SLC25A18: variants seen among roughly 807,000 people sequenced by gnomAD.
SLC25A18 encodes solute carrier family 25 member 18.
SLC25A18 carries 24 observed loss-of-function variants against 31.1 expected under a neutral mutation model. That is an observed-to-expected ratio of 0.77 (90% CI 0.56 to 1.08). The LOEUF (loss-of-function observed/expected upper bound fraction) is 1.08, where lower values mean the gene tolerates loss of function less well. Ranked by LOEUF, SLC25A18 falls within the 50% of genes least tolerant of loss-of-function variation. The probability of loss-of-function intolerance (pLI) is 0.00; values close to 1 mark genes in which losing one functional copy is unlikely to be tolerated. For missense variants in SLC25A18, 371 were observed against 418.5 expected, an observed-to-expected ratio of 0.89 and a Z score of 0.99; for synonymous variants, 173 against 161.9, an observed-to-expected ratio of 1.07 and a Z score of -0.52.
At chr22:17,584,399 A>AAAGAAAGAAAG (rs2057464585) in intron 7 of SLC25A18, among the ~76,000 whole-genome samples, 2 of 110,814 alleles carry the variant, frequency 1.8e-5, no homozygotes, top group African/African-American at 7.0e-5. Flanking sequence ...TCTCAAAAAG[A>AAAGAAAGAAAG]AAAGAAAGAA....
At chr22:17,582,512 A>T in intron 5 of SLC25A18, 51 bp from the exon 6 acceptor site, 1 of 1,477,520 alleles carries the variant, frequency 6.8e-7, no homozygotes. Flanking sequence ...GACCTGGGGC[A>T]CTGTTATTTC....
Position 17,578,041 on chromosome 22 carries a change from G to A in SLC25A18, c.-200-1704G>A, listed in dbSNP as rs144930425. ...GCTCTGTTGCCCAGGCTGGAGTGTA[G>A]TGGTGTGATCTTGACTCACTGCAAC... On this transcript the variant is annotated intron_variant, in intron 2 of 10. Transcript: ENST00000327451. 3.7e-4 allele frequency among the ~76,000 whole-genome samples: 55 copies of A among 149,802 alleles called. No individual in the cohort carries two copies. The East Asian group carries it at 0.011, about 30-fold the overall frequency.
chr22:17,565,972 C>A (rs1168395138), intron 1 of SLC25A18, among the ~76,000 whole-genome samples: 1 of 152,110 alleles, frequency 6.6e-6, no homozygotes, highest in South Asian at 2.1e-4. Flanking sequence ...GGATTACAGG[C>A]GTGAGCCACC....
intron 3 of SLC25A18, 122 bp downstream of exon 3, chr22:17,580,086 TC>T (rs1012094069): frequency 8.2e-5 from 73 of 891,128 alleles, no homozygotes; most frequent in Middle Eastern, 4.3e-4. Context: ...AAGACCCCTG[TC>T]CCCCATATAA....
At position 17,579,921 on chromosome 22, in the gene SLC25A18, C is replaced by G; in HGVS notation, c.-24C>G. The G allele has an allele frequency of 6.2e-7, 1 of 1,607,670 alleles. No homozygotes were observed. Among genetic ancestry groups the G allele is most frequent in the Non-Finnish European group, 8.5e-7 (1 of 1,177,686 alleles). On this transcript the variant is annotated 5_prime_UTR_variant, in exon 3 of 11. Coordinates refer to ENST00000327451, the MANE Select transcript of SLC25A18 (RefSeq NM_031481.3). Reference sequence around the variant, plus strand: ...CCCCAAGGAGCCAGCAGCCTTGTGTCCTGGGATCCCCAGCCCCTGCAGAAT... The same window carrying G: ...CCCCAAGGAGCCAGCAGCCTTGTGTGCTGGGATCCCCAGCCCCTGCAGAAT...
intron 3 of SLC25A18, 49 bp from the exon 4 acceptor site, chr22:17,580,988 C>G (rs1182028921): frequency 6.6e-7 from 1 of 1,507,182 alleles, no homozygotes; most frequent in Admixed American, 2.1e-5. Context: ...GCTCCCTAAC[C>G]TGCCCCTCCC....
Position 17,581,387 on chromosome 22 carries a change from C to T in SLC25A18, c.173C>T (p.Ala58Val), listed in dbSNP as rs2057369535. Residue 58 changes from alanine (A) to valine (V), a missense_variant, in exon 5 of 11, where the codon GCG (alanine) becomes GTG (valine). By Grantham distance (64) the Ala-to-Val change is moderately conservative. Coordinates refer to ENST00000327451, the MANE Select transcript of SLC25A18 (RefSeq NM_031481.3). ...GACTGCCTGATGAAGACGGCTCGGG[C>T]GGAGGGCTTCTTCGGCATGTACCGA... is the stretch of plus-strand genomic sequence containing the variant. ...MIDCLMKTARAEGFFGMYRGA... is the reference protein window; with the variant it reads ...MIDCLMKTARVEGFFGMYRGA... 3 of 1,613,944 alleles carry T rather than the reference C, an allele frequency of 1.9e-6. No individual in the cohort carries two copies. Among genetic ancestry groups the T allele is most frequent in the Middle Eastern group, 1.6e-4 (1 of 6,084 alleles).
At chr22:17,583,192 G>C (rs562639445) in intron 6 of SLC25A18, among the ~76,000 whole-genome samples, 22 of 152,336 alleles carry the variant, frequency 1.4e-4, no homozygotes, top group African/African-American at 4.6e-4. Context: ...CTCTGTCACT[G>C]TTTTCAGCTT....
intron 7 of SLC25A18, among the ~76,000 whole-genome samples, chr22:17,586,239 G>C (rs186160040): frequency 6.6e-6 from 1 of 152,354 alleles, no homozygotes; most frequent in East Asian, 1.9e-4. Context: ...CCTAGGCTGG[G>C]TGCGGTGGCT....
intron 2 of SLC25A18, among the ~76,000 whole-genome samples, chr22:17,571,015 G>C (rs923320841): frequency 2.6e-5 from 4 of 152,102 alleles, no homozygotes; most frequent in African/African-American, 9.7e-5. Context: ...GAGTGTCCTG[G>C]GTGAAGGGGA....
chr22:17,564,845 A>G (rs1301802922), intron 1 of SLC25A18, among the ~76,000 whole-genome samples: 1 of 92,076 alleles, frequency 1.1e-5, no homozygotes, highest in African/African-American at 3.9e-5. Context: ...GGACAGAGCA[A>G]GACTCTGTCT....
intron 2 of SLC25A18, among the ~76,000 whole-genome samples, chr22:17,577,789 C>A (rs937313420): frequency 6.6e-6 from 1 of 150,806 alleles, no homozygotes; most frequent in Non-Finnish European, 1.5e-5. Context: ...CTATGTTGGC[C>A]AGGCTGGTCT....
At chr22:17,572,531 C>G (rs535120405) in intron 2 of SLC25A18, among the ~76,000 whole-genome samples, 1 of 151,490 alleles carries the variant, frequency 6.6e-6, no homozygotes, top group African/African-American at 2.4e-5. Context: ...TGGTGTCTCA[C>G]GCCTGTAATC....
rs1457350422 is a variant in SLC25A18, at chr22:17,573,435, T to A, written c.-201+3449T>A. Among the ~76,000 whole-genome samples the A allele has an allele frequency of 2.0e-5, 3 of 152,002 alleles. No homozygotes were observed. In the East Asian group the frequency reaches 5.8e-4, roughly 29 times the overall value. On this transcript the variant is annotated intron_variant, in intron 2 of 10. Coordinates refer to ENST00000327451, the MANE Select transcript of SLC25A18 (RefSeq NM_031481.3). Reference sequence around the variant, plus strand: ...AACCATCCTTAGCCACCTCCACGTTTGAAAAATAGAGTCTGGAGTGGTGAG... The same window carrying A: ...AACCATCCTTAGCCACCTCCACGTTAGAAAAATAGAGTCTGGAGTGGTGAG...
rs2057681003 is a variant in SLC25A18, at chr22:17,590,225, T to C, written c.937T>C (p.Cys313Arg). The change falls in exon 11 of 11, where the codon TGT becomes CGT. Residue 313 changes from cysteine (C) to arginine (R), a missense_variant. Cys to Arg is a radical substitution (Grantham distance 180). Transcript: ENST00000327451. ...FIGIGERILK[C>R]FD ...TGGGATTGGAGAGCGCATCTTAAAG[T>C]GTTTTGACTAGACAGAGCTGGAGGT... 2.5e-6 allele frequency: 4 copies of C among 1,614,190 alleles called. No homozygotes were observed. Among genetic ancestry groups the C allele is most frequent in the Non-Finnish European group, 3.4e-6 (4 of 1,180,042 alleles).
intron 1 of SLC25A18, chr22:17,569,641 C>T (rs902907231): frequency 1.0e-6 from 1 of 985,446 alleles, no homozygotes; most frequent in Non-Finnish European, 1.2e-6. Context: ...CACCCCCAAG[C>T]TGCCTTGTTA....
intron 5 of SLC25A18, 28 bp downstream of exon 5, chr22:17,581,441 T>A (rs558653709): frequency 6.2e-7 from 1 of 1,613,608 alleles, no homozygotes. Context: ...CCTGGGAGGC[T>A]GGGCAGCAGG....
chr22:17,590,035 C>T, intron 10 of SLC25A18, 60 bp from the exon 11 acceptor site: 1 of 1,605,068 alleles, frequency 6.2e-7, no homozygotes, highest in Non-Finnish European at 8.5e-7. Flanking sequence ...GAGGCTGCCA[C>T]TGAGGGCTGC....
Position 17,581,799 on chromosome 22 carries a change from G to A in SLC25A18, c.199+386G>A, listed in dbSNP as rs2057382468. On this transcript the variant is annotated intron_variant, in intron 5 of 10. Coordinates refer to ENST00000327451, the MANE Select transcript of SLC25A18 (RefSeq NM_031481.3). The stretch of plus-strand genomic sequence containing the variant: ...TGCTGCGGTCCCTGCGGGGTCCCCA[G>A]CCAGGAGGTACCTTGGACAATGGAT... 1.4e-5 allele frequency: 3 copies of A among 208,924 alleles called. No individual in the cohort carries two copies. In the South Asian group the frequency reaches 3.3e-4, roughly 23 times the overall value. The allele number at this position is 208,924 out of a possible 1,614,324, so 12.9% of individuals were successfully genotyped here.
Sources: gnomAD v4.1 joint callset for allele counts (sites outside exome capture counted in the v4.1 genomes callset) on GRCh38, gnomAD v4.1.1 for gene constraint, MANE v1.5 for transcripts, NCBI Gene and HGNC (gene_info 2026-07-23, HGNC 2026-07-21) for gene names.